Variants in HPX observed in about 807,000 individuals in gnomAD.
HPX encodes hemopexin.
Under a neutral mutation model 53.8 loss-of-function variants are expected in HPX, and 42 were observed. The ratio of observed to expected loss-of-function variants is 0.78; its 90% CI spans 0.61 to 1.01. The LOEUF is 1.01. HPX is among the 50% of genes least tolerant of loss of function. HPX has a pLI of 0.00. For synonymous variants in HPX, 229 were observed against 221.1 expected (o/e 1.04, Z -0.32); for missense variants, 547 against 594.3 (o/e 0.92, Z 0.83).
chr11:6,431,330 CG>C lies in HPX; in HGVS notation c.1269del (p.Gly424AlafsTer19). ...LGPNSCSANG[P>X]GLYLIHGPNL... is the part of the protein sequence containing the mutation. ...TTGGGACCATGGATGAGGTACAAGC[CG>C]GGACCATTGGCGGAACATGAGTTAG... On this transcript the variant is annotated frameshift_variant, in exon 10 of 10. Transcript: ENST00000265983. LOFTEE classifies it high-confidence loss of function. The C allele has an allele frequency of 5.6e-6, 9 of 1,614,236 alleles. No individual in the cohort carries two copies. The highest frequency in any genetic ancestry group is 6.8e-6 in the Non-Finnish European group (8 of 1,180,044).
intron 7 of HPX, among the ~76,000 whole-genome samples, chr11:6,434,467 C>T (rs59649931): frequency 6.6e-6 from 1 of 152,284 alleles, no homozygotes; most frequent in African/African-American, 2.4e-5. Context: ...ACAGCTGGGA[C>T]TACTGGTGCA....
intron 5 of HPX, 68 bp from the exon 6 acceptor site, chr11:6,437,720 TC>T: frequency 7.9e-7 from 1 of 1,271,740 alleles, no homozygotes; most frequent in Non-Finnish European, 1.1e-6. Flanking sequence ...TTTCTCTGGG[TC>T]CCAGGATGGG....
In HPX at chr11:6,431,786, G is replaced by A. The variant is rs774129527; in HGVS notation, c.984C>T (p.Val328=). ...LYLVQGTQVY[V]FLTKGGYTLV... ...GGGTATAGCCTCCCTTTGTCAGGAA[G>A]ACATATACCTGGGTGCCCTGGAGGA... Residue 328 remains valine (V), a synonymous_variant, in exon 9 of 10, where the codon GTC becomes GTT. Transcript: ENST00000265983. 12 of 1,614,016 alleles carry A rather than the reference G, an allele frequency of 7.4e-6. No individual in the cohort carries two copies. Among genetic ancestry groups the A allele is most frequent in the Middle Eastern group, 1.6e-4 (1 of 6,082 alleles).
Position 6,437,470 on chromosome 11 carries a change from G to C in HPX, c.673C>G (p.Arg225Gly). Residue 225 changes from arginine (R) to glycine (G), a missense_variant, in exon 6 of 10, where the codon CGA (arginine) becomes GGA (glycine). Physicochemically the swap from Arg to Gly is moderately radical, Grantham distance 125. Coordinates refer to ENST00000265983, the MANE Select transcript of HPX (RefSeq NM_000613.3). ...EVPPRYPRDV[R>G]DYFMPCPGRG... ...CCAGGGCAGGGCATGAAGTAGTCTC[G>C]GACATCCCGCGGGTACCTGGGAGGC... 3 of 1,613,932 alleles carry C rather than the reference G, an allele frequency of 1.9e-6. No homozygotes were observed. The highest frequency in any genetic ancestry group is 2.5e-6 in the Non-Finnish European group (3 of 1,179,982).
At chr11:6,433,989 T>C (rs1167183973) in intron 7 of HPX, among the ~76,000 whole-genome samples, 1 of 152,226 alleles carries the variant, frequency 6.6e-6, no homozygotes, top group African/African-American at 2.4e-5. Context: ...CTCACCTCTA[T>C]CCCACTATCC....
chr11:6,437,347 C>CG, intron 6 of HPX, 93 bp downstream of exon 6: 1 of 1,391,192 alleles, frequency 7.2e-7, no homozygotes, highest in South Asian at 1.2e-5. Context: ...TGTCGCAACA[C>CG]GGAGTTAAAG....
intron 7 of HPX, 184 bp from the exon 8 acceptor site, chr11:6,432,201 G>A: frequency 1.6e-6 from 1 of 643,238 alleles, no homozygotes; most frequent in Non-Finnish European, 2.7e-6. Flanking sequence ...ACTGTGCCCT[G>A]GCTGAAACTG....
intron 7 of HPX, among the ~76,000 whole-genome samples, chr11:6,436,354 C>G (rs1230197885): frequency 6.6e-6 from 1 of 152,212 alleles, no homozygotes; most frequent in African/African-American, 2.4e-5. Flanking sequence ...GGGATATTCT[C>G]AACTGTGCAG....
chr11:6,437,899 C>A, intron 5 of HPX: 1 of 579,022 alleles, frequency 1.7e-6, no homozygotes, highest in East Asian at 2.9e-5. Context: ...AAAGTGAAAT[C>A]TGAAGTAGGA....
At chr11:6,438,919 C>T (rs1271481140) in intron 4 of HPX, among the ~76,000 whole-genome samples, 1 of 152,188 alleles carries the variant, frequency 6.6e-6, no homozygotes, top group African/African-American at 2.4e-5. Flanking sequence ...TTGTGAGAGG[C>T]ACTGAGGATA....
At position 6,431,267 on chromosome 11, in the gene HPX, C is replaced by A. The variant is rs1401721886; in HGVS notation, c.1333G>T (p.Ala445Ser). ...TTCTGGGGTTGCGGAAGGGCCTTGGCTGCATTCAGTTTCTCCACATCACTG... is the reference window on the plus strand; with the variant it reads ...TTCTGGGGTTGCGGAAGGGCCTTGGATGCATTCAGTTTCTCCACATCACTG... ...CYSDVEKLNA[A>S]KALPQPQNVT... The change falls in exon 10 of 10, where the codon GCC becomes TCC. Residue 445 changes from alanine to serine, a missense_variant. Physicochemically the swap from Ala to Ser is moderately conservative, Grantham distance 99. Coordinates refer to ENST00000265983, the MANE Select transcript of HPX (RefSeq NM_000613.3). The A allele has an allele frequency of 6.2e-7, 1 of 1,614,150 alleles. No individual in the cohort carries two copies. Among genetic ancestry groups the A allele is most frequent in the Non-Finnish European group, 8.5e-7 (1 of 1,180,052 alleles).
chr11:6,434,683 A>G (rs1283821028), intron 7 of HPX, among the ~76,000 whole-genome samples: 1 of 152,230 alleles, frequency 6.6e-6, no homozygotes. Context: ...AATGAAGTAA[A>G]TGATGAGTTC....
Position 6,437,437 on chromosome 11 carries a change from C to T in HPX, c.703+3G>A. The T allele has an allele frequency of 9.9e-6, 16 of 1,612,518 alleles. No homozygotes were observed. The highest frequency in any genetic ancestry group is 1.4e-5 in the Non-Finnish European group (16 of 1,179,392). On this transcript the variant is annotated splice_donor_region_variant and intron_variant, in intron 6 of 9. Transcript: ENST00000265983. ...CAGGTCTCAAGTGCTAGGGCTTTCTCACCTCTGCCAGGGCAGGGCATGAAG... is the reference window on the plus strand; with the variant it reads ...CAGGTCTCAAGTGCTAGGGCTTTCTTACCTCTGCCAGGGCAGGGCATGAAG...
At chr11:6,433,080 A>G (rs1849369876) in intron 7 of HPX, among the ~76,000 whole-genome samples, 2 of 152,208 alleles carry the variant, frequency 1.3e-5, no homozygotes, top group Non-Finnish European at 1.5e-5. Context: ...TCCCAATTTT[A>G]GAAAACAAAA....
chr11:6,431,811 A>T lies in HPX; in HGVS notation c.967-8T>A, dbSNP rs1849353380. On this transcript the variant is annotated splice_region_variant and splice_polypyrimidine_tract_variant and intron_variant, in intron 8 of 9. Coordinates refer to ENST00000265983, the MANE Select transcript of HPX (RefSeq NM_000613.3). ...GACATATACCTGGGTGCCCTGGAGG[A>T]CAAAGGATGGTAATAAATACAGAGT... The T allele has an allele frequency of 6.2e-7, 1 of 1,613,892 alleles. No individual in the cohort carries two copies. Among genetic ancestry groups the T allele is most frequent in the Non-Finnish European group, 8.5e-7 (1 of 1,180,008 alleles).
intron 7 of HPX, among the ~76,000 whole-genome samples, chr11:6,434,504 T>C (rs1849390875): frequency 6.6e-6 from 1 of 152,114 alleles, no homozygotes; most frequent in African/African-American, 2.4e-5. Context: ...TAATTTTTTG[T>C]ATTTTTAGTA....
chr11:6,438,249 CCACA>C, intron 5 of HPX, 103 bp downstream of exon 5: 1 of 1,189,664 alleles, frequency 8.4e-7, no homozygotes, highest in Non-Finnish European at 1.2e-6. Context: ...CCTTAAAAAG[CCACA>C]TAGTGGCTCC....
intron 2 of HPX, 50 bp from the exon 3 acceptor site, chr11:6,440,588 AAAAAAAAAAAAAAAAC>A: frequency 6.8e-7 from 1 of 1,468,970 alleles, no homozygotes; most frequent in Non-Finnish European, 9.3e-7. Context: ...AAAAAAAAAA[AAAAAAAAAAAAAAAAC>A]CAGAAGGTGA....
At position 6,432,525 on chromosome 11, in the gene HPX, C is replaced by T. The variant is rs117189289; in HGVS notation, c.836-508G>A. On this transcript the variant is annotated intron_variant, in intron 7 of 9. Coordinates refer to ENST00000265983, the MANE Select transcript of HPX (RefSeq NM_000613.3). ...AACTTATTAAGGAATTATCTAGGCT[C>T]CCATTTGTCTTTTTTCCTCAATCCT... Among the ~76,000 whole-genome samples the T allele has an allele frequency of 5.9e-3, 892 of 152,228 alleles. 5 individuals carry two copies. Among genetic ancestry groups the T allele is most frequent in the Non-Finnish European group, 6.9e-3 (468 of 68,020 alleles).
Sources: allele counts gnomAD v4.1 joint callset (sites outside exome capture counted in the v4.1 genomes callset), GRCh38; gene constraint gnomAD v4.1.1; transcripts MANE v1.5; gene names NCBI Gene and HGNC (gene_info 2026-07-23, HGNC 2026-07-21).